Variants in ME3 observed in about 807,000 individuals in gnomAD.
ME3 encodes the protein NADP-dependent malic enzyme, mitochondrial.
Under a neutral mutation model 68.9 loss-of-function variants are expected in ME3, and 48 were observed. The ratio of observed to expected loss-of-function variants is 0.70; its 90% CI spans 0.55 to 0.89. The LOEUF is 0.89. ME3 is among the 40% of genes least tolerant of loss of function. The pLI is 0.00. For synonymous variants in ME3, 320 were observed against 318.8 expected, an observed-to-expected ratio of 1.00 and a Z score of -0.04; for missense variants, 675 against 797.4, an observed-to-expected ratio of 0.85 and a Z score of 1.85.
downstream of ME3, among the ~76,000 whole-genome samples, chr11:86,440,378 G>C (rs1948934206): frequency 6.6e-6 from 1 of 152,132 alleles, no homozygotes; most frequent in Non-Finnish European, 1.5e-5. Flanking sequence ...ACCCAGGATG[G>C]ACTGATATTA....
intron 8 of ME3, among the ~76,000 whole-genome samples, chr11:86,460,477 G>T (rs1174331346): frequency 6.6e-6 from 1 of 152,214 alleles, no homozygotes; most frequent in African/African-American, 2.4e-5. Context: ...GGCTCCCGAG[G>T]ATTGAATTCT....
intron 2 of ME3, among the ~76,000 whole-genome samples, chr11:86,610,984 A>C (rs1395653435): frequency 1.3e-5 from 2 of 152,154 alleles, no homozygotes; most frequent in Non-Finnish European, 2.9e-5. Context: ...TCCAGATATC[A>C]CTTCAAGCCA....
chr11:86,438,901 G>A (rs1190175630), downstream of ME3, among the ~76,000 whole-genome samples: 1 of 152,074 alleles, frequency 6.6e-6, no homozygotes, highest in Non-Finnish European at 1.5e-5. Flanking sequence ...ACATGATTAT[G>A]GAAGCTGTCA....
chr11:86,669,093 T>G (rs978464877), intron 2 of ME3, among the ~76,000 whole-genome samples: 1 of 152,246 alleles, frequency 6.6e-6, no homozygotes, highest in South Asian at 2.1e-4. Flanking sequence ...GGAGACTCTC[T>G]GAGCACTGGA....
chr11:86,548,525 C>G (rs780574231), intron 4 of ME3, among the ~76,000 whole-genome samples: 1 of 152,196 alleles, frequency 6.6e-6, no homozygotes, highest in Non-Finnish European at 1.5e-5. Context: ...ATTTGTGAAT[C>G]AGAGCTCTCA....
intron 2 of ME3, among the ~76,000 whole-genome samples, chr11:86,591,300 C>T (rs984400513): frequency 1.3e-5 from 2 of 152,190 alleles, no homozygotes; most frequent in African/African-American, 4.8e-5. Flanking sequence ...GAATTGGGTC[C>T]TCCCAAAATT....
intron 2 of ME3, 72 bp downstream of exon 2, chr11:86,671,690 C>T: frequency 6.4e-7 from 1 of 1,568,364 alleles, no homozygotes; most frequent in Non-Finnish European, 8.7e-7. Context: ...TTTCTGGGTC[C>T]AGGGGGCGGG....
At chr11:86,457,338 A>C (rs1949996018) in intron 8 of ME3, 1 of 194,896 alleles carries the variant, frequency 5.1e-6, no homozygotes, top group East Asian at 1.5e-4. Context: ...TCCCCATGAA[A>C]CCCAGTCCAA....
intron 2 of ME3, among the ~76,000 whole-genome samples, chr11:86,620,829 A>G (rs1199871688): frequency 1.3e-5 from 2 of 152,140 alleles, no homozygotes; most frequent in African/African-American, 4.8e-5. Context: ...CATTTTGCTA[A>G]TTCAGCCAAT....
At chr11:86,620,974 A>G (rs1943310899) in intron 2 of ME3, among the ~76,000 whole-genome samples, 1 of 152,158 alleles carries the variant, frequency 6.6e-6, no homozygotes, top group Non-Finnish European at 1.5e-5. Flanking sequence ...TTGGTTAAGT[A>G]ATACAATACA....
chr11:86,479,086 C>T (rs949641915), intron 7 of ME3, among the ~76,000 whole-genome samples: 3 of 152,060 alleles, frequency 2.0e-5, no homozygotes, highest in Non-Finnish European at 4.4e-5. Context: ...TCACCCTCAC[C>T]CCATATGGGC....
intron 4 of ME3, among the ~76,000 whole-genome samples, chr11:86,528,742 G>A (rs1336598079): frequency 6.6e-6 from 1 of 151,550 alleles, no homozygotes; most frequent in Non-Finnish European, 1.5e-5. Context: ...TGAACAAACT[G>A]CTCCTGAATG....
At chr11:86,490,880 A>G (rs1233923256) in intron 6 of ME3, among the ~76,000 whole-genome samples, 2 of 152,188 alleles carry the variant, frequency 1.3e-5, no homozygotes, top group African/African-American at 4.8e-5. Flanking sequence ...TTCTGGGGTA[A>G]GTTAAGTTCC....
chr11:86,541,437 C>G (rs1956045489), intron 4 of ME3, among the ~76,000 whole-genome samples: 1 of 152,214 alleles, frequency 6.6e-6, no homozygotes, highest in African/African-American at 2.4e-5. Context: ...TGAAGTTGAC[C>G]TGGGACACTT....
intron 4 of ME3, among the ~76,000 whole-genome samples, chr11:86,526,780 C>T (rs768900453): frequency 6.6e-6 from 1 of 152,196 alleles, no homozygotes; most frequent in Admixed American, 6.5e-5. Flanking sequence ...CCTCCAGCAA[C>T]TCCAACAGAC....
At chr11:86,533,363 C>A (rs1955402107) in intron 4 of ME3, among the ~76,000 whole-genome samples, 1 of 151,962 alleles carries the variant, frequency 6.6e-6, no homozygotes, top group Admixed American at 6.6e-5. Context: ...CTGTTATGAA[C>A]AATTATATAT....
At chr11:86,459,726 G>C (rs878866601) in intron 8 of ME3, among the ~76,000 whole-genome samples, 3 of 152,196 alleles carry the variant, frequency 2.0e-5, no homozygotes, top group Admixed American at 1.3e-4. Context: ...GGAAAATGGG[G>C]ATTCAGACCT....
intron 2 of ME3, among the ~76,000 whole-genome samples, chr11:86,634,180 G>T (rs200787527): frequency 1.3e-5 from 2 of 152,164 alleles, no homozygotes; most frequent in African/African-American, 4.8e-5. Flanking sequence ...CCTGAGAGGG[G>T]TGTTCAGGGA....
intron 2 of ME3, among the ~76,000 whole-genome samples, chr11:86,599,558 C>T (rs1490169264): frequency 6.6e-6 from 1 of 152,190 alleles, no homozygotes; most frequent in East Asian, 1.9e-4. Context: ...CTTCCCCAAT[C>T]TAGCAAGGCA....
Sources: allele counts gnomAD v4.1 joint callset (sites outside exome capture counted in the v4.1 genomes callset), GRCh38; gene constraint gnomAD v4.1.1; transcripts MANE v1.5; gene names NCBI Gene and HGNC (gene_info 2026-07-23, HGNC 2026-07-21).